The following KIF4B variants were observed in gnomAD, a reference collection of about 807,000 sequenced individuals.
KIF4B encodes chromosome-associated kinesin KIF4B.
A neutral mutation model predicts 69.0 loss-of-function variants in KIF4B; 60 were observed. The observed-to-expected ratio is 0.87, with a 90% confidence interval of 0.71 to 1.08. The LOEUF is 1.08. Ranked by LOEUF, KIF4B falls within the 50% of genes least tolerant of loss-of-function variation. The probability of loss-of-function intolerance (pLI) is 0.00; values close to 1 mark genes in which losing one functional copy is unlikely to be tolerated. For missense variants in KIF4B, 1,357 were observed against 1,451.9 expected (o/e 0.93, Z 1.06); for synonymous variants, 489 against 533.0 (o/e 0.92, Z 1.14).
Position 155,013,994 on chromosome 5 carries a change from T to G in KIF4B, c.135T>G (p.Thr45=), listed in dbSNP as rs1765277717. The stretch of plus-strand genomic sequence containing the variant: ...GGGAGACTCAGGTGGTGGTTGGTAC[T>G]GATAAATCCTTCACCTACGATTTTG... The part of the protein sequence containing the change: ...VPGETQVVVG[T]DKSFTYDFVF... The change falls in exon 1 of 1, where the codon ACT becomes ACG. Residue 45 remains threonine (T), a synonymous_variant. Coordinates refer to ENST00000435029, the MANE Select transcript of KIF4B (RefSeq NM_001099293.3). The G allele has an allele frequency of 1.2e-6, 2 of 1,614,140 alleles. No homozygotes were observed.
At position 155,015,066 on chromosome 5, in the gene KIF4B, A is replaced by G. The variant is rs1765300403; in HGVS notation, c.1207A>G (p.Ser403Gly). ...QSLVEENEKLSRCLSKAAGQT... is the reference protein window; with the variant it reads ...QSLVEENEKLGRCLSKAAGQT... ...CCTGGTAGAGGAGAATGAAAAATTA[A>G]GTCGTTGTCTGAGCAAGGCAGCTGG... is the stretch of plus-strand genomic sequence containing the variant. The change falls in exon 1 of 1, where the codon AGT (serine) becomes GGT (glycine). Residue 403 changes from serine (S) to glycine (G), a missense_variant. Physicochemically the swap from Ser to Gly is moderately conservative, Grantham distance 56 (BLOSUM62 0). Transcript: ENST00000435029. 2.5e-6 allele frequency: 4 copies of G among 1,614,198 alleles called. No homozygotes were observed. The East Asian group carries it at 8.9e-5, about 36-fold the overall frequency.
rs1161524232 is a variant in KIF4B, at chr5:155,014,484, T to C, written c.625T>C (p.Ser209Pro). 1.9e-6 allele frequency: 3 copies of C among 1,613,994 alleles called. No homozygotes were observed. Among genetic ancestry groups the C allele is most frequent in the Non-Finnish European group, 2.5e-6 (3 of 1,179,996 alleles). Reference protein sequence around the residue: ...TVASTAMNSQSSRSHAIFTIS... With the variant: ...TVASTAMNSQPSRSHAIFTIS... ...GGCCTCCACAGCTATGAACTCCCAG[T>C]CGTCCCGATCTCATGCCATCTTTAC... Residue 209 changes from serine to proline, a missense_variant, in exon 1 of 1, where the codon TCG becomes CCG. By Grantham distance (74) the Ser-to-Pro change is moderately conservative. Coordinates refer to ENST00000435029, the MANE Select transcript of KIF4B (RefSeq NM_001099293.3).
chr5:155,017,495 G>A lies in KIF4B; in HGVS notation c.3636G>A (p.Lys1212=). The A allele has an allele frequency of 1.2e-6, 2 of 1,614,052 alleles. No homozygotes were observed. Among genetic ancestry groups the A allele is most frequent in the Non-Finnish European group, 1.7e-6 (2 of 1,179,996 alleles). Residue 1212 remains lysine, a synonymous_variant, in exon 1 of 1, where the codon AAG becomes AAA. Coordinates refer to ENST00000435029, the MANE Select transcript of KIF4B (RefSeq NM_001099293.3). ...YQQNKPPGKK[K]KRALASNTSF... The stretch of plus-strand genomic sequence containing the variant: ...AAAATAAGCCTCCAGGGAAGAAAAA[G>A]AAACGAGCTCTGGCTAGCAACACCA...
In KIF4B at chr5:155,017,156, T is replaced by C. The variant is rs561008914; in HGVS notation, c.3297T>C (p.Cys1099=). Residue 1099 remains cysteine (C), a synonymous_variant, in exon 1 of 1, where the codon TGT becomes TGC. Coordinates refer to ENST00000435029, the MANE Select transcript of KIF4B (RefSeq NM_001099293.3). The part of the protein sequence containing the change: ...SCKGWCGNKQ[C]GCRKQKSDCG... ...AGGGCTGGTGTGGGAACAAGCAGTGTGGGTGCAGGAAGCAAAAGTCAGACT... is the reference window on the plus strand; with the variant it reads ...AGGGCTGGTGTGGGAACAAGCAGTGCGGGTGCAGGAAGCAAAAGTCAGACT... The C allele has an allele frequency of 1.2e-5, 19 of 1,614,104 alleles. No individual in the cohort carries two copies. The South Asian group carries it at 1.4e-4, about 12-fold the overall frequency.
chr5:155,014,036 T>C lies in KIF4B; in HGVS notation c.177T>C (p.Thr59=), dbSNP rs777053079. 1 of 1,614,212 alleles carries C rather than the reference T, an allele frequency of 6.2e-7. No individual in the cohort carries two copies. Among genetic ancestry groups the C allele is most frequent in the South Asian group, 1.1e-5 (1 of 91,082 alleles). Residue 59 remains threonine (T), a synonymous_variant, in exon 1 of 1, where the codon ACT becomes ACC. Coordinates refer to ENST00000435029, the MANE Select transcript of KIF4B (RefSeq NM_001099293.3). The part of the protein sequence containing the change: ...FTYDFVFDPC[T]EQEEVFNKAV... ...ACGATTTTGTGTTTGACCCCTGTAC[T>C]GAGCAGGAAGAAGTCTTCAATAAAG... is the stretch of plus-strand genomic sequence containing the variant.
rs747096792 is a variant in KIF4B at position 155,015,628 on chromosome 5, A to G, written c.1769A>G (p.Asn590Ser). ...CTTCAGACAGCAAAGAAGAATGTCA[A>G]CCAAGCCAAGCTGAGTGAGCACCGC... is the stretch of plus-strand genomic sequence containing the variant. ...RELQTAKKNVNQAKLSEHRHK... is the reference protein window; with the variant it reads ...RELQTAKKNVSQAKLSEHRHK... Residue 590 changes from asparagine to serine, a missense_variant, in exon 1 of 1, where the codon AAC becomes AGC. Asn to Ser is a conservative substitution (Grantham distance 46). Coordinates refer to ENST00000435029, the MANE Select transcript of KIF4B (RefSeq NM_001099293.3). The G allele has an allele frequency of 1.4e-5, 23 of 1,614,118 alleles. No individual in the cohort carries two copies. Among genetic ancestry groups the G allele is most frequent in the African/African-American group, 1.3e-4 (10 of 74,934 alleles).
Position 155,013,795 on chromosome 5 carries a change from G to A in KIF4B, c.-65G>A, listed in dbSNP as rs749966500. On this transcript the variant is annotated 5_prime_UTR_variant, in exon 1 of 1. Coordinates refer to ENST00000435029, the MANE Select transcript of KIF4B (RefSeq NM_001099293.3). ...CGGTTAAAGCTCCGGCTGGGACAGG[G>A]CGGCGGGAGACCCCGGGTGAACGGG... 1.5e-5 allele frequency: 24 copies of A among 1,592,746 alleles called. No individual in the cohort carries two copies. Among genetic ancestry groups the A allele is most frequent in the Non-Finnish European group, 2.1e-5 (24 of 1,168,136 alleles).
Position 155,017,323 on chromosome 5 carries a change from G to A in KIF4B, c.3464G>A (p.Ser1155Asn), listed in dbSNP as rs757716016. 5.6e-6 allele frequency: 9 copies of A among 1,614,188 alleles called. No individual in the cohort carries two copies. The highest frequency in any genetic ancestry group is 1.6e-4 in the Middle Eastern group (1 of 6,062). Reference protein sequence around the residue: ...EDPTEVTPGLSFFNPVCATPN... With the variant: ...EDPTEVTPGLNFFNPVCATPN... ...CCTACCGAGGTGACCCCAGGATTGA[G>A]CTTCTTTAACCCTGTCTGTGCCACC... Residue 1155 changes from serine to asparagine, a missense_variant, in exon 1 of 1, where the codon AGC becomes AAC. Physicochemically the swap from Ser to Asn is conservative, Grantham distance 46. Coordinates refer to ENST00000435029, the MANE Select transcript of KIF4B (RefSeq NM_001099293.3).
rs369146077 is a variant in KIF4B at position 155,015,750 on chromosome 5, C to T, written c.1891C>T (p.Arg631Cys). Residue 631 changes from arginine to cysteine, a missense_variant, in exon 1 of 1, where the codon CGT becomes TGT. Transcript: ENST00000435029. ...TCTGAAACTAAAGGAATCCACAGAG[C>T]GTACTGTCTCCAAGCTGAACCAAGA... ...KLLKLKESTERTVSKLNQEIW... is the reference protein window; with the variant it reads ...KLLKLKESTECTVSKLNQEIW... 106 of 1,613,986 alleles carry T rather than the reference C, an allele frequency of 6.6e-5. No homozygotes were observed. Among genetic ancestry groups the T allele is most frequent in the Non-Finnish European group, 8.4e-5 (99 of 1,180,044 alleles).
chr5:155,017,543 T>C lies in KIF4B; in HGVS notation c.3684T>C (p.Pro1228=), dbSNP rs1238776449. 1 of 1,612,954 alleles carries C rather than the reference T, an allele frequency of 6.2e-7. No homozygotes were observed. The highest frequency in any genetic ancestry group is 1.7e-5 in the Admixed American group (1 of 59,910). Residue 1228 remains proline, a synonymous_variant, in exon 1 of 1, where the codon CCT becomes CCC. Coordinates refer to ENST00000435029, the MANE Select transcript of KIF4B (RefSeq NM_001099293.3). Reference sequence around the variant, plus strand: ...CCAGCTTCTTCTCTGGCTGCTCCCCTATCGAAGAAGAGGCCCACTGAAGTT... The same window carrying C: ...CCAGCTTCTTCTCTGGCTGCTCCCCCATCGAAGAAGAGGCCCACTGAAGTT... ...SNTSFFSGCS[P]IEEEAH is the part of the protein sequence containing the mutation.
rs1418277604 is a variant in KIF4B at position 155,017,228 on chromosome 5, G to A, written c.3369G>A (p.Gln1123=). Residue 1123 remains glutamine (Q), a synonymous_variant, in exon 1 of 1, where the codon CAG becomes CAA. Transcript: ENST00000435029. ...SCDPTKCRNR[Q]QGKDSLGTVE... Reference sequence around the variant, plus strand: ...ACCCCACAAAGTGTCGGAACCGCCAGCAAGGCAAGGATAGCTTGGGCACTG... The same window carrying A: ...ACCCCACAAAGTGTCGGAACCGCCAACAAGGCAAGGATAGCTTGGGCACTG... The A allele has an allele frequency of 6.8e-6, 11 of 1,614,092 alleles. No homozygotes were observed. The highest frequency in any genetic ancestry group is 2.2e-5 in the East Asian group (1 of 44,886).
Position 155,017,655 on chromosome 5 carries a change from T to C in KIF4B, c.*91T>C. ...GGTTTTTTAAATGACTTCTCTGGAT[T>C]TCAGGTTTCTTGCCGTTGAAAAAAA... On this transcript the variant is annotated 3_prime_UTR_variant, in exon 1 of 1. Transcript: ENST00000435029. 6.8e-7 allele frequency: 1 copy of C among 1,479,600 alleles called. No individual in the cohort carries two copies. The highest frequency in any genetic ancestry group is 2.4e-5 in the East Asian group (1 of 41,728). The allele number at this position is 1,479,600 out of a possible 1,614,324, so 91.7% of individuals were successfully genotyped here. A position where few individuals can be genotyped will look rare whatever the true frequency, so the allele number is the denominator to read the frequency against.
rs927760802 is a variant in KIF4B, at chr5:155,016,051, C to T, written c.2192C>T (p.Thr731Ile). The change falls in exon 1 of 1, where the codon ACT (threonine) becomes ATT (isoleucine). Residue 731 changes from threonine to isoleucine, a missense_variant. Thr to Ile is a moderately conservative substitution (Grantham distance 89). Transcript: ENST00000435029. ...QREVTDKRKE[T>I]QSHGKEGIAA... The stretch of plus-strand genomic sequence containing the variant: ...GAGGTCACAGATAAGCGGAAAGAGA[C>T]TCAGAGCCATGGAAAGGAAGGTATT... The T allele has an allele frequency of 6.2e-7, 1 of 1,614,110 alleles. No individual in the cohort carries two copies. The highest frequency in any genetic ancestry group is 8.5e-7 in the Non-Finnish European group (1 of 1,180,030).
chr5:155,015,061 A>G lies in KIF4B; in HGVS notation c.1202A>G (p.Lys401Arg), dbSNP rs1765300281. The change falls in exon 1 of 1, where the codon AAA (lysine) becomes AGA (arginine). Residue 401 changes from lysine to arginine, a missense_variant. Lys to Arg is a conservative substitution (Grantham distance 26, BLOSUM62 2). Coordinates refer to ENST00000435029, the MANE Select transcript of KIF4B (RefSeq NM_001099293.3). Reference sequence around the variant, plus strand: ...CAGTCCCTGGTAGAGGAGAATGAAAAATTAAGTCGTTGTCTGAGCAAGGCA... The same window carrying G: ...CAGTCCCTGGTAGAGGAGAATGAAAGATTAAGTCGTTGTCTGAGCAAGGCA... ...KNQSLVEENE[K>R]LSRCLSKAAG... 1.9e-6 allele frequency: 3 copies of G among 1,614,128 alleles called. No individual in the cohort carries two copies. Among genetic ancestry groups the G allele is most frequent in the Non-Finnish European group, 2.5e-6 (3 of 1,180,030 alleles).
In KIF4B at chr5:155,015,052, A is replaced by G. The variant is rs772551898; in HGVS notation, c.1193A>G (p.Glu398Gly). The G allele has an allele frequency of 6.2e-7, 1 of 1,614,164 alleles. No homozygotes were observed. Among genetic ancestry groups the G allele is most frequent in the Admixed American group, 1.7e-5 (1 of 60,024 alleles). ...GAGAAGAATCAGTCCCTGGTAGAGG[A>G]GAATGAAAAATTAAGTCGTTGTCTG... ...LMEKNQSLVE[E>G]NEKLSRCLSK... Residue 398 changes from glutamate to glycine, a missense_variant, in exon 1 of 1, where the codon GAG becomes GGG. Coordinates refer to ENST00000435029, the MANE Select transcript of KIF4B (RefSeq NM_001099293.3).
At position 155,015,595 on chromosome 5, in the gene KIF4B, T is replaced by C. The variant is rs1325892804; in HGVS notation, c.1736T>C (p.Val579Ala). Residue 579 changes from valine to alanine, a missense_variant, in exon 1 of 1, where the codon GTT becomes GCT. Val to Ala is a moderately conservative substitution (Grantham distance 64). Coordinates refer to ENST00000435029, the MANE Select transcript of KIF4B (RefSeq NM_001099293.3). ...CTGCAAAAGGAAAAGGAAGAATTGG[T>C]TCGTGAACTTCAGACAGCAAAGAAG... ...INLQKEKEEL[V>A]RELQTAKKNV... is the part of the protein sequence containing the mutation. The C allele has an allele frequency of 6.2e-7, 1 of 1,614,070 alleles. No homozygotes were observed. Among genetic ancestry groups the C allele is most frequent in the African/African-American group, 1.3e-5 (1 of 74,910 alleles).
At position 155,016,061 on chromosome 5, in the gene KIF4B, T is replaced by C. The variant is rs751493585; in HGVS notation, c.2202T>C (p.His734=). The C allele has an allele frequency of 6.2e-7, 1 of 1,614,026 alleles. No individual in the cohort carries two copies. Among genetic ancestry groups the C allele is most frequent in the East Asian group, 2.2e-5 (1 of 44,878 alleles). The change falls in exon 1 of 1, where the codon CAT becomes CAC. Residue 734 remains histidine (H), a synonymous_variant. Coordinates refer to ENST00000435029, the MANE Select transcript of KIF4B (RefSeq NM_001099293.3). ...VTDKRKETQS[H]GKEGIAARVR... ...ATAAGCGGAAAGAGACTCAGAGCCA[T>C]GGAAAGGAAGGTATTGCAGCTCGAG...
At position 155,014,108 on chromosome 5, in the gene KIF4B, G is replaced by C. The variant is rs1363012388; in HGVS notation, c.249G>C (p.Thr83=). 10 of 1,614,060 alleles carry C rather than the reference G, an allele frequency of 6.2e-6. No individual in the cohort carries two copies. The highest frequency in any genetic ancestry group is 1.7e-5 in the Admixed American group (1 of 60,002). ...GCATATTTAAAGGATATAATGCAAC[G>C]GTCCTGGCCTATGGGCAGACTGGCT... ...IKGIFKGYNA[T]VLAYGQTGSG... The change falls in exon 1 of 1, where the codon ACG becomes ACC. Residue 83 remains threonine, a synonymous_variant. Coordinates refer to ENST00000435029, the MANE Select transcript of KIF4B (RefSeq NM_001099293.3).
chr5:155,013,800 G>C lies in KIF4B; in HGVS notation c.-60G>C. The C allele has an allele frequency of 6.3e-7, 1 of 1,596,114 alleles. No individual in the cohort carries two copies. Among genetic ancestry groups the C allele is most frequent in the Non-Finnish European group, 8.5e-7 (1 of 1,169,666 alleles). ...AAAGCTCCGGCTGGGACAGGGCGGC[G>C]GGAGACCCCGGGTGAACGGGGAAGG... On this transcript the variant is annotated 5_prime_UTR_variant, in exon 1 of 1. Coordinates refer to ENST00000435029, the MANE Select transcript of KIF4B (RefSeq NM_001099293.3).
Sources: allele counts gnomAD v4.1 joint callset, GRCh38; gene constraint gnomAD v4.1.1; transcripts MANE v1.5; gene names NCBI Gene and HGNC (gene_info 2026-07-23, HGNC 2026-07-21).